The following ZNF215 variants were observed in gnomAD, a reference collection of about 807,000 sequenced individuals.
The protein encoded by ZNF215 is zinc finger protein 215.
Under a neutral mutation model 27.2 loss-of-function variants are expected in ZNF215, and 24 were observed. The observed-to-expected ratio is 0.88, with a 90% CI of 0.64 to 1.24. The LOEUF (loss-of-function observed/expected upper bound fraction) is 1.24, where lower values mean the gene tolerates loss of function less well. Ranked by LOEUF, ZNF215 falls within the 50% of genes most tolerant of loss-of-function variation. ZNF215 has a pLI of 0.00. For missense variants in ZNF215, 675 were observed against 605.7 expected (o/e 1.11, Z -1.20); for synonymous variants, 210 against 204.0 (o/e 1.03, Z -0.25).
chr11:6,969,484 C>T (rs1021339472), intron 5 of ZNF215, among the ~76,000 whole-genome samples: 12 of 151,634 alleles, frequency 7.9e-5, no homozygotes, highest in African/African-American at 2.9e-4. Context: ...AATTTTCAAC[C>T]TATGTGTACA....
Position 6,943,658 on chromosome 11 carries a change from T to C in ZNF215, c.712+17T>C. ...CTATTTTTGGTAAGAACCAGGTAGA[T>C]ATGAGGCCATAGTAAGAAGCTTCTG... is the stretch of plus-strand genomic sequence containing the variant. On this transcript the variant is annotated intron_variant, in intron 6 of 6. Transcript: ENST00000278319. 1.9e-6 allele frequency: 3 copies of C among 1,562,950 alleles called. No individual in the cohort carries two copies. The highest frequency in any genetic ancestry group is 1.8e-6 in the Non-Finnish European group (2 of 1,134,844).
chr11:6,983,518 T>G (rs765852753), intron 5 of ZNF215, among the ~76,000 whole-genome samples: 3 of 152,174 alleles, frequency 2.0e-5, no homozygotes, highest in Non-Finnish European at 4.4e-5. Flanking sequence ...AATAAAATAC[T>G]GGCAAACCGA....
At chr11:6,976,457 G>A (rs546387451) in intron 5 of ZNF215, among the ~76,000 whole-genome samples, 2 of 152,058 alleles carry the variant, frequency 1.3e-5, no homozygotes, top group East Asian at 1.9e-4. Flanking sequence ...ATGAAGAAGC[G>A]CCTACATTGA....
rs891774296 is a variant in ZNF215, at chr11:6,954,534, G to A, written c.713-1156G>A. 4.0e-5 allele frequency among the ~76,000 whole-genome samples: 6 copies of A among 151,634 alleles called. No homozygotes were observed. In the South Asian group the frequency reaches 6.2e-4, roughly 16 times the overall value. ...GGGAGACTCCGTGGGTGTAGGACCC[G>A]AGCCAGGTGCAGGATATAATCTCCT... On this transcript the variant is annotated intron_variant, in intron 6 of 6. Coordinates refer to ENST00000278319, the MANE Select transcript of ZNF215 (RefSeq NM_013250.4).
At chr11:6,979,978 G>C (rs1411168267) in intron 5 of ZNF215, among the ~76,000 whole-genome samples, 1 of 151,974 alleles carries the variant, frequency 6.6e-6, no homozygotes, top group Non-Finnish European at 1.5e-5. Context: ...ATTGTCAATT[G>C]TTAACATTAA....
chr11:6,956,031 C>T lies in ZNF215; in HGVS notation c.1054C>T (p.His352Tyr), dbSNP rs748404393. Reference protein sequence around the residue: ...KFNLDSVGKQHSEYEYGNDLS... With the variant: ...KFNLDSVGKQYSEYEYGNDLS... ...TAATTTAGACTCAGTAGGTAAGCAA[C>T]ATTCAGAATATGAATATGGGAATGA... is the stretch of plus-strand genomic sequence containing the variant. Residue 352 changes from histidine to tyrosine, a missense_variant, in exon 7 of 7, where the codon CAT becomes TAT. Physicochemically the swap from His to Tyr is moderately conservative, Grantham distance 83. Transcript: ENST00000278319. 1 of 1,608,754 alleles carries T rather than the reference C, an allele frequency of 6.2e-7. No individual in the cohort carries two copies. Among genetic ancestry groups the T allele is most frequent in the Non-Finnish European group, 8.5e-7 (1 of 1,178,386 alleles).
chr11:6,982,436 C>G (rs1290697451), intron 5 of ZNF215, among the ~76,000 whole-genome samples: 1 of 152,116 alleles, frequency 6.6e-6, no homozygotes, highest in Admixed American at 6.6e-5. Context: ...CTCTCCACCC[C>G]AAATCAACAG....
rs1327607967 is a variant in ZNF215, at chr11:6,956,912, T to C, written c.*381T>C. 19 of 995,408 alleles carry C rather than the reference T, an allele frequency of 1.9e-5. No individual in the cohort carries two copies. The highest frequency in any genetic ancestry group is 2.3e-5 in the Non-Finnish European group (19 of 836,162). The allele number at this position is 995,408 out of a possible 1,614,324, so 61.7% of individuals were successfully genotyped here. ...GCAAAGCCAAACAATACTCTTGGAG[T>C]TGATATTTAATAAAACTCAGCCCTT... is the stretch of plus-strand genomic sequence containing the variant. On this transcript the variant is annotated 3_prime_UTR_variant, in exon 7 of 7. Transcript: ENST00000278319.
At chr11:6,983,583 A>T (rs1427252877) in intron 5 of ZNF215, among the ~76,000 whole-genome samples, 1 of 152,206 alleles carries the variant, frequency 6.6e-6, no homozygotes, top group African/African-American at 2.4e-5. Flanking sequence ...TTCCAAATGT[A>T]TCAAAGTTTT....
In ZNF215 at chr11:6,974,569, A is replaced by C. The variant is rs1242915743; in HGVS notation, c.806-9560A>C. 4.6e-5 allele frequency among the ~76,000 whole-genome samples: 7 copies of C among 151,978 alleles called. No homozygotes were observed. The South Asian group carries it at 8.3e-4, about 18-fold the overall frequency. ...ATTTGTTTGTATCCTCTTTTATTTC[A>C]TTGAGCAGTGGTTTGTAGTTCTTGA... On this transcript the variant is annotated intron_variant, in intron 5 of 5. Coordinates refer to the ZNF215 transcript ENST00000529903.
chr11:6,990,042 A>G (rs1023197189), downstream of ZNF215, among the ~76,000 whole-genome samples: 1 of 152,194 alleles, frequency 6.6e-6, no homozygotes, highest in African/African-American at 2.4e-5. Context: ...GCAAGATCCA[A>G]TCAGATCATG....
intron 5 of ZNF215, among the ~76,000 whole-genome samples, chr11:6,975,547 A>G (rs1245075814): frequency 6.6e-6 from 1 of 151,660 alleles, no homozygotes; most frequent in East Asian, 1.9e-4. Flanking sequence ...TCTGATAACC[A>G]TTCTTCTATT....
chr11:6,963,197 C>G (rs1850552000), intron 5 of ZNF215, among the ~76,000 whole-genome samples: 2 of 151,954 alleles, frequency 1.3e-5, no homozygotes, highest in Non-Finnish European at 2.9e-5. Flanking sequence ...AGAAAATTCT[C>G]TCCTATTCTT....
At chr11:6,992,843 T>G (rs1214740831), downstream of ZNF215, among the ~76,000 whole-genome samples, 1 of 152,196 alleles carries the variant, frequency 6.6e-6, no homozygotes, top group Non-Finnish European at 1.5e-5. Flanking sequence ...ACGGTAATAC[T>G]ATTTTTAAAT....
At chr11:6,927,118 G>C (rs1324289545) in intron 1 of ZNF215, among the ~76,000 whole-genome samples, 1 of 146,926 alleles carries the variant, frequency 6.8e-6, no homozygotes, top group African/African-American at 2.5e-5. Context: ...GGAATGGCTG[G>C]TATTGATGCC....
At chr11:6,978,756 CA>C (rs34770499) in intron 5 of ZNF215, among the ~76,000 whole-genome samples, 98,586 of 149,718 alleles carry the variant, frequency 0.66, 32,513 homozygotes, top group South Asian at 0.76. Context: ...CCATCTCTAC[CA>C]AAAAAAAAAA....
intron 6 of ZNF215, among the ~76,000 whole-genome samples, chr11:6,951,835 A>G (rs1436812189): frequency 1.3e-5 from 2 of 151,928 alleles, no homozygotes; most frequent in African/African-American, 2.4e-5. Context: ...TAGGGTGTCA[A>G]TTTTGGATCT....
At position 6,942,684 on chromosome 11, in the gene ZNF215, G is replaced by C. The variant is rs1335960711; in HGVS notation, c.484-399G>C. 5.9e-5 allele frequency among the ~76,000 whole-genome samples: 9 copies of C among 152,160 alleles called. No individual in the cohort carries two copies. In the South Asian group the frequency reaches 1.7e-3, roughly 28 times the overall value. On this transcript the variant is annotated intron_variant, in intron 4 of 6. Coordinates refer to ENST00000278319, the MANE Select transcript of ZNF215 (RefSeq NM_013250.4). Reference sequence around the variant, plus strand: ...ATGCCCTACCTCTCCTTCCAGCAGAGCCTACATTTTCATTACAAATCTCTC... The same window carrying C: ...ATGCCCTACCTCTCCTTCCAGCAGACCCTACATTTTCATTACAAATCTCTC...
intron 6 of ZNF215, among the ~76,000 whole-genome samples, chr11:6,945,648 A>G (rs972696488): frequency 6.6e-5 from 10 of 152,144 alleles, no homozygotes; most frequent in African/African-American, 2.4e-4. Context: ...TTCTTAAAAC[A>G]TTTTTAGGTT....
Sources: allele counts gnomAD v4.1 joint callset (sites outside exome capture counted in the v4.1 genomes callset), GRCh38; gene constraint gnomAD v4.1.1; transcripts MANE v1.5; gene names NCBI Gene and HGNC (gene_info 2026-07-23, HGNC 2026-07-21).